Variants in CNTNAP5 observed in about 807,000 individuals in gnomAD.
CNTNAP5 encodes contactin associated protein family member 5.
In CNTNAP5, 72 loss-of-function variants were observed where a neutral mutation model predicts 150.2. That is an observed-to-expected ratio of 0.48 (90% CI 0.40 to 0.58). The LOEUF is 0.58. Ranked by LOEUF, CNTNAP5 falls within the 20% of genes least tolerant of loss-of-function variation. CNTNAP5 has a pLI of 0.00. For synonymous variants in CNTNAP5, 672 were observed against 619.8 expected (o/e 1.08, Z -1.25); for missense variants, 1,636 against 1,626.2 (o/e 1.01, Z -0.10).
At chr2:124,202,468 G>A (rs770188707) in intron 1 of CNTNAP5, among the ~76,000 whole-genome samples, 86 of 145,778 alleles carry the variant, frequency 5.9e-4, no homozygotes, top group South Asian at 1.5e-3. Context: ...GCAGGTTTGT[G>A]AGTGGTAAAC....
chr2:124,245,046 T>C (rs1221971902), intron 3 of CNTNAP5, among the ~76,000 whole-genome samples: 2 of 152,204 alleles, frequency 1.3e-5, no homozygotes, highest in Non-Finnish European at 2.9e-5. Context: ...TTTTTATTTT[T>C]TGATTTTCAC....
chr2:124,807,720 C>G (rs561137725), intron 19 of CNTNAP5, among the ~76,000 whole-genome samples: 6 of 152,190 alleles, frequency 3.9e-5, no homozygotes, highest in Middle Eastern at 3.2e-3. Context: ...TCTCAAGGAA[C>G]CTGCCATGTT....
chr2:124,665,490 T>C (rs1039053845), intron 13 of CNTNAP5, among the ~76,000 whole-genome samples: 1 of 152,226 alleles, frequency 6.6e-6, no homozygotes, highest in Non-Finnish European at 1.5e-5. Flanking sequence ...ATTCCCTTTT[T>C]TAGAAAAAGC....
intron 11 of CNTNAP5, among the ~76,000 whole-genome samples, chr2:124,584,973 T>C (rs1573475796): frequency 6.6e-6 from 1 of 152,212 alleles, no homozygotes; most frequent in Admixed American, 6.5e-5. Context: ...TCACATTGTA[T>C]GAGCTCATTT....
intron 21 of CNTNAP5, among the ~76,000 whole-genome samples, chr2:124,882,802 G>A (rs1677993706): frequency 6.6e-6 from 1 of 151,982 alleles, no homozygotes. Flanking sequence ...GGCTGGGGAG[G>A]CCTCACAATC....
intron 1 of CNTNAP5, among the ~76,000 whole-genome samples, chr2:124,032,862 T>A (rs1681100884): frequency 6.6e-6 from 1 of 152,220 alleles, no homozygotes; most frequent in Non-Finnish European, 1.5e-5. Flanking sequence ...GCACATGCTG[T>A]CTCTATCCAT....
chr2:124,306,510 C>T (rs1198194710), intron 3 of CNTNAP5, among the ~76,000 whole-genome samples: 1 of 152,118 alleles, frequency 6.6e-6, no homozygotes, highest in Non-Finnish European at 1.5e-5. Flanking sequence ...CAGACATCAG[C>T]CCACACACAC....
chr2:124,240,060 C>T (rs1048375296), intron 2 of CNTNAP5, among the ~76,000 whole-genome samples: 9 of 152,062 alleles, frequency 5.9e-5, no homozygotes, highest in African/African-American at 2.2e-4. Context: ...TGTTTTAATC[C>T]TGGGTGCCAA....
chr2:124,733,755 T>G (rs1453551748), intron 13 of CNTNAP5, among the ~76,000 whole-genome samples: 1 of 152,148 alleles, frequency 6.6e-6, no homozygotes, highest in Non-Finnish European at 1.5e-5. Flanking sequence ...ATAGTTAGTT[T>G]AAGAAAACTA....
At chr2:124,076,399 T>C (rs1682438223) in intron 1 of CNTNAP5, among the ~76,000 whole-genome samples, 2 of 152,138 alleles carry the variant, frequency 1.3e-5, no homozygotes, top group South Asian at 4.1e-4. Flanking sequence ...CTATAGTCTA[T>C]TACGATTATA....
chr2:124,216,323 G>A (rs1686153290), intron 1 of CNTNAP5, among the ~76,000 whole-genome samples: 1 of 151,932 alleles, frequency 6.6e-6, no homozygotes, highest in African/African-American at 2.4e-5. Context: ...TATGAAAAAG[G>A]ATTTGCATTT....
intron 17 of CNTNAP5, among the ~76,000 whole-genome samples, chr2:124,773,251 T>C (rs941121117): frequency 1.6e-4 from 25 of 152,166 alleles, no homozygotes; most frequent in African/African-American, 5.3e-4. Flanking sequence ...TTCTGTACAT[T>C]TTCTTTTTGT....
At chr2:124,625,618 G>A (rs1677705585) in intron 12 of CNTNAP5, among the ~76,000 whole-genome samples, 1 of 152,096 alleles carries the variant, frequency 6.6e-6, no homozygotes, top group African/African-American at 2.4e-5. Context: ...CTCAGGCCAG[G>A]GCCTAGAATC....
chr2:124,537,392 G>T (rs936138460), intron 10 of CNTNAP5, among the ~76,000 whole-genome samples: 2 of 152,106 alleles, frequency 1.3e-5, no homozygotes, highest in African/African-American at 4.8e-5. Context: ...GGAACACCTC[G>T]GTGCCTCACG....
intron 19 of CNTNAP5, among the ~76,000 whole-genome samples, chr2:124,859,327 A>C (rs575312425): frequency 1.4e-3 from 206 of 152,364 alleles, no homozygotes; most frequent in African/African-American, 4.8e-3. Flanking sequence ...ATCACTGGCC[A>C]TCAGAGAAAT....
rs958254527 is a variant in CNTNAP5 at position 124,733,333 on chromosome 2, A to AT, written c.2078-13888dup. Among the ~76,000 whole-genome samples the AT allele has an allele frequency of 4.6e-4, 70 of 152,008 alleles. 1 individual carries two copies. The highest frequency in any genetic ancestry group is 3.4e-3 in the Middle Eastern group (1 of 294). On this transcript the variant is annotated intron_variant, in intron 13 of 23. Transcript: ENST00000682447. ...AGTATGCAGTCAGTCAATAATTTTC[A>AT]TTTTTTTTCAAAGTGCTATACAATT...
intron 13 of CNTNAP5, among the ~76,000 whole-genome samples, chr2:124,663,409 T>A (rs1424564441): frequency 6.6e-6 from 1 of 152,130 alleles, no homozygotes; most frequent in Non-Finnish European, 1.5e-5. Flanking sequence ...AAGCTAAATA[T>A]TTCTGTGAAT....
At chr2:124,834,064 T>A (rs1183997936) in intron 19 of CNTNAP5, among the ~76,000 whole-genome samples, 1 of 152,208 alleles carries the variant, frequency 6.6e-6, no homozygotes, top group East Asian at 1.9e-4. Context: ...AGCAATCTAC[T>A]ACATTCCAGG....
intron 3 of CNTNAP5, among the ~76,000 whole-genome samples, chr2:124,303,385 T>C (rs1472767017): frequency 6.6e-6 from 1 of 152,154 alleles, no homozygotes; most frequent in East Asian, 1.9e-4. Context: ...CCTTGCAAAC[T>C]TGTGCAAATG....
Sources: allele counts gnomAD v4.1 joint callset (sites outside exome capture counted in the v4.1 genomes callset), GRCh38; gene constraint gnomAD v4.1.1; transcripts MANE v1.5; gene names NCBI Gene and HGNC (gene_info 2026-07-23, HGNC 2026-07-21).